The following UTP18 variants were observed in gnomAD, a reference collection of about 807,000 sequenced individuals.
UTP18 encodes the protein UTP18 small subunit processome component, also known as U3 small nucleolar RNA-associated protein 18 homolog.
Under a neutral mutation model 61.1 loss-of-function variants are expected in UTP18, and 36 were observed. That is an observed-to-expected ratio of 0.59 (90% CI 0.45 to 0.78). UTP18 has a LOEUF of 0.78. Ranked by LOEUF, UTP18 falls within the 30% of genes least tolerant of loss-of-function variation. UTP18 has a pLI of 0.00. For synonymous variants in UTP18, 282 were observed against 251.1 expected, an observed-to-expected ratio of 1.12 and a Z score of -1.16; for missense variants, 753 against 693.9, an observed-to-expected ratio of 1.09 and a Z score of -0.96.
rs1473415481 is a variant in UTP18, at chr17:51,260,841, C to A, written c.257C>A (p.Ala86Asp). Reference protein sequence around the residue: ...NRLRLEEDKPAVERCLEELVF... With the variant: ...NRLRLEEDKPDVERCLEELVF... ...CTGAGGCTGGAGGAGGACAAACCGG[C>A]CGTGGAGCGGTGCTTGGAGGAGCTG... is the stretch of plus-strand genomic sequence containing the variant. The change falls in exon 1 of 14, where the codon GCC becomes GAC. Residue 86 changes from alanine (A) to aspartate (D), a missense_variant. Transcript: ENST00000225298. The A allele has an allele frequency of 6.3e-7, 1 of 1,599,492 alleles. No homozygotes were observed. The highest frequency in any genetic ancestry group is 2.3e-5 in the East Asian group (1 of 44,096).
chr17:51,293,533 G>A (rs1173572905), intron 11 of UTP18, among the ~76,000 whole-genome samples: 2 of 149,342 alleles, frequency 1.3e-5, no homozygotes, highest in Non-Finnish European at 3.0e-5. Flanking sequence ...ATCACCTGTC[G>A]TTAGTGTTAG....
chr17:51,266,063 A>G (rs948087184), intron 2 of UTP18, 119 bp from the exon 3 acceptor site: 3 of 687,596 alleles, frequency 4.4e-6, no homozygotes, highest in Non-Finnish European at 6.7e-6. Context: ...AAATGTTCAC[A>G]TCTTAAAAAT....
At chr17:51,290,596 A>G (rs1431795440) in intron 11 of UTP18, among the ~76,000 whole-genome samples, 1 of 152,216 alleles carries the variant, frequency 6.6e-6, no homozygotes, top group Non-Finnish European at 1.5e-5. Flanking sequence ...TTAACCTTTT[A>G]TCACTTTAAT....
At chr17:51,275,536 A>G (rs1904688717) in intron 5 of UTP18, among the ~76,000 whole-genome samples, 1 of 152,228 alleles carries the variant, frequency 6.6e-6, no homozygotes, top group African/African-American at 2.4e-5. Context: ...TCTTAACACA[A>G]ATGGATGTAT....
In UTP18 at chr17:51,268,007, G is replaced by GTTTTTTTT. The variant is rs766635231; in HGVS notation, c.555-824_555-823insTTTTTTTT. On this transcript the variant is annotated intron_variant, in intron 3 of 13. Coordinates refer to ENST00000225298, the MANE Select transcript of UTP18 (RefSeq NM_016001.3). ...ACCAGTTGTTGTTTTTTTGTTTTTT[G>GTTTTTTTT]TTTTTTGTTTTTTTTTTTTTGAGAT... is the stretch of plus-strand genomic sequence containing the variant. 5.2e-4 allele frequency among the ~76,000 whole-genome samples: 68 copies of GTTTTTTTT among 130,590 alleles called. 2 individuals are homozygous for GTTTTTTTT. The highest frequency in any genetic ancestry group is 7.3e-4 in the Non-Finnish European group (45 of 61,948). The allele number at this position is 130,590 out of a possible 152,430, so 85.7% of individuals were successfully genotyped here.
At chr17:51,275,830 T>A in intron 5 of UTP18, 36 bp from the exon 6 acceptor site, 3 of 1,563,054 alleles carry the variant, frequency 1.9e-6, no homozygotes, top group Non-Finnish European at 2.6e-6. Flanking sequence ...GTTTATTCAT[T>A]TCAATTGATA....
At chr17:51,294,532 T>C (rs1260419807) in intron 12 of UTP18, among the ~76,000 whole-genome samples, 1 of 152,120 alleles carries the variant, frequency 6.6e-6, no homozygotes, top group African/African-American at 2.4e-5. Context: ...CATGGACTCT[T>C]TATTTTTTAT....
intron 3 of UTP18, 42 bp from the exon 4 acceptor site, chr17:51,268,795 T>A: frequency 6.6e-7 from 1 of 1,520,470 alleles, no homozygotes; most frequent in Non-Finnish European, 9.1e-7. Flanking sequence ...TATGGACATG[T>A]AGTGGTTGCC....
In UTP18 at chr17:51,268,921, C is replaced by T; in HGVS notation, c.622+17C>T. 6.2e-7 allele frequency: 1 copy of T among 1,611,392 alleles called. No homozygotes were observed. Among genetic ancestry groups the T allele is most frequent in the Non-Finnish European group, 8.5e-7 (1 of 1,177,868 alleles). ...CTTCAGATGGTGAGCGTTGATATTT[C>T]TGTTTAAATTAGTACATAAGTCCCT... On this transcript the variant is annotated intron_variant, in intron 4 of 13. Transcript: ENST00000225298.
intron 11 of UTP18, among the ~76,000 whole-genome samples, chr17:51,291,294 C>T (rs994142262): frequency 1.3e-5 from 2 of 152,172 alleles, no homozygotes; most frequent in South Asian, 2.1e-4. Flanking sequence ...TAGTTTTAAT[C>T]AGGTGAGATC....
intron 6 of UTP18, 56 bp from the exon 7 acceptor site, chr17:51,277,074 C>A: frequency 1.9e-6 from 3 of 1,551,712 alleles, no homozygotes; most frequent in Non-Finnish European, 2.6e-6. Context: ...GTATATACTA[C>A]CAGGATACAG....
At position 51,275,604 on chromosome 17, in the gene UTP18, A is replaced by G. The variant is rs187852538; in HGVS notation, c.712-262A>G. Among the ~76,000 whole-genome samples the G allele has an allele frequency of 9.1e-4, 139 of 152,376 alleles. No homozygotes were observed. The Middle Eastern group carries it at 0.027, about 30-fold the overall frequency. ...GAATGAGTAATACATTCAGACTTCT[A>G]GATATGGAAAGCACTTTAATGATTT... On this transcript the variant is annotated intron_variant, in intron 5 of 13. Coordinates refer to ENST00000225298, the MANE Select transcript of UTP18 (RefSeq NM_016001.3).
chr17:51,287,954 A>G (rs1183960666), intron 10 of UTP18, 75 bp from the exon 11 acceptor site: 1 of 1,158,702 alleles, frequency 8.6e-7, no homozygotes, highest in African/African-American at 1.6e-5. Context: ...TTGTGGGGTT[A>G]AATCTATATT....
intron 4 of UTP18, among the ~76,000 whole-genome samples, 170 bp downstream of exon 4, chr17:51,269,074 T>A (rs1334821547): frequency 6.6e-6 from 1 of 151,736 alleles, no homozygotes; most frequent in Admixed American, 6.6e-5. Flanking sequence ...ATCGCTTGAG[T>A]CCAGGAGTTT....
rs1212363686 is a variant in UTP18, at chr17:51,280,015, G to A, written c.1023G>A (p.Glu341=). 1.2e-6 allele frequency: 2 copies of A among 1,612,612 alleles called. No homozygotes were observed. The highest frequency in any genetic ancestry group is 1.7e-6 in the Non-Finnish European group (2 of 1,179,416). Reference sequence around the variant, plus strand: ...CATTTCCTATTTTAGGTTTGAAAGAGAAGATAGTGAGGAGCTTTGAAGTCT... The same window carrying A: ...CATTTCCTATTTTAGGTTTGAAAGAAAAGATAGTGAGGAGCTTTGAAGTCT... The part of the protein sequence containing the change: ...IPVHQVRGLK[E]KIVRSFEVSP... Residue 341 remains glutamate, a synonymous_variant, in exon 8 of 14, where the codon GAG becomes GAA. Coordinates refer to ENST00000225298, the MANE Select transcript of UTP18 (RefSeq NM_016001.3).
At chr17:51,273,739 T>TAATAAATAAATAAATAAATAAATAAATA (rs58946658) in intron 5 of UTP18, among the ~76,000 whole-genome samples, 22 of 141,082 alleles carry the variant, frequency 1.6e-4, no homozygotes, top group East Asian at 8.4e-4. Flanking sequence ...GTCTCTAAAA[T>TAATAAATAAATAAATAAATAAATAAATA]AATAAATAAA....
chr17:51,264,727 G>A (rs931003668), intron 2 of UTP18, among the ~76,000 whole-genome samples: 12 of 149,254 alleles, frequency 8.0e-5, no homozygotes, highest in Non-Finnish European at 1.6e-4. Context: ...CTTTCATCCA[G>A]GCTGGAGTTC....
intron 7 of UTP18, among the ~76,000 whole-genome samples, chr17:51,279,726 T>C (rs369856617): frequency 4.6e-5 from 7 of 152,292 alleles, no homozygotes; most frequent in East Asian, 1.9e-4. Flanking sequence ...TTAGTTGATA[T>C]GTTTACTGTT....
chr17:51,289,447 T>C (rs1905193581), intron 11 of UTP18, among the ~76,000 whole-genome samples: 1 of 151,426 alleles, frequency 6.6e-6, no homozygotes, highest in Non-Finnish European at 1.5e-5. Flanking sequence ...GACCTCATGG[T>C]CCACCTGCCT....
Sources: allele counts gnomAD v4.1 joint callset (sites outside exome capture counted in the v4.1 genomes callset), GRCh38; gene constraint gnomAD v4.1.1; transcripts MANE v1.5; gene names NCBI Gene and HGNC (gene_info 2026-07-23, HGNC 2026-07-21).